The following DSCAM variants were observed in gnomAD, a reference collection of about 807,000 sequenced individuals.
DSCAM encodes DS cell adhesion molecule, also known as cell adhesion molecule DSCAM.
Under a neutral mutation model 217.7 loss-of-function variants are expected in DSCAM, and 47 were observed. The observed-to-expected ratio is 0.22, with a 90% CI of 0.17 to 0.28. The LOEUF (loss-of-function observed/expected upper bound fraction) is 0.28, where lower values mean the gene tolerates loss of function less well. Ranked by LOEUF, DSCAM falls within the 10% of genes least tolerant of loss-of-function variation. The pLI, the probability that DSCAM is intolerant of heterozygous loss-of-function variation, is 1.00. For missense variants in DSCAM, 2,080 were observed against 2,618.3 expected (o/e 0.79, Z 4.49); for synonymous variants, 1,056 against 1,015.3 (o/e 1.04, Z -0.76).
intron 1 of DSCAM, among the ~76,000 whole-genome samples, chr21:40,753,579 T>C (rs2091248654): frequency 6.6e-6 from 1 of 152,206 alleles, no homozygotes. Flanking sequence ...ATTTCCAAAC[T>C]AATTGGATTG....
In DSCAM at chr21:40,353,667, C is replaced by T; in HGVS notation, c.732G>A (p.Leu244=). 1 of 1,609,842 alleles carries T rather than the reference C, an allele frequency of 6.2e-7. No homozygotes were observed. Among genetic ancestry groups the T allele is most frequent in the South Asian group, 1.1e-5 (1 of 90,376 alleles). The change falls in exon 5 of 33, where the codon CTG becomes CTA. Residue 244 remains leucine (L), a synonymous_variant. Coordinates refer to ENST00000400454, the MANE Select transcript of DSCAM (RefSeq NM_001389.5). ...RKAMAGQRVE[L]PCKALGHPEP... ...CAGGGTGCCCGAGCGCTTTGCAAGG[C>T]AGCTCCACACGCTGCCCAGCCATGG... is the stretch of plus-strand genomic sequence containing the variant.
At chr21:40,663,265 TG>T in intron 3 of DSCAM, among the ~76,000 whole-genome samples, 1 of 72,234 alleles carries the variant, frequency 1.4e-5, no homozygotes, top group East Asian at 6.0e-4. Flanking sequence ...AAAGTGTGTG[TG>T]TGGGGGGGGT....
At chr21:40,110,749 T>A (rs1392444405) in intron 20 of DSCAM, among the ~76,000 whole-genome samples, 1 of 152,190 alleles carries the variant, frequency 6.6e-6, no homozygotes, top group East Asian at 1.9e-4. Flanking sequence ...AACCACAGCA[T>A]GAGAACTACG....
In DSCAM at chr21:40,142,678, G is replaced by A; in HGVS notation, c.3286C>T (p.Gln1096Ter). Residue 1096 changes from glutamine to a stop codon, truncating the protein, a stop_gained, in exon 18 of 33, where the codon CAA (glutamine) becomes TAA (stop). Coordinates refer to ENST00000400454, the MANE Select transcript of DSCAM (RefSeq NM_001389.5). LOFTEE classifies it high-confidence loss of function. ...DVPSYPPENVQAIATSPESIS... is the reference protein window; with the variant it reads ...DVPSYPPENV ...CTTTCTGGTGATGTTGCTATGGCTT[G>A]GACATTTTCGGGGGGGTAACTGGGC... The A allele has an allele frequency of 1.2e-6, 2 of 1,613,472 alleles. No homozygotes were observed. The highest frequency in any genetic ancestry group is 1.7e-6 in the Non-Finnish European group (2 of 1,179,906).
chr21:40,697,807 T>G (rs954883075), intron 2 of DSCAM, among the ~76,000 whole-genome samples: 5 of 152,226 alleles, frequency 3.3e-5, no homozygotes, highest in Non-Finnish European at 5.9e-5. Context: ...TCAGGATTGC[T>G]TTAGCATTTC....
chr21:40,640,525 G>A (rs2089864995), intron 3 of DSCAM, among the ~76,000 whole-genome samples: 1 of 152,156 alleles, frequency 6.6e-6, no homozygotes, highest in Non-Finnish European at 1.5e-5. Context: ...AAATGTTCCA[G>A]AGAAAGCAAA....
intron 3 of DSCAM, among the ~76,000 whole-genome samples, chr21:40,411,671 TAAAC>T (rs1449615091): frequency 6.6e-6 from 1 of 152,130 alleles, no homozygotes; most frequent in East Asian, 1.9e-4. Context: ...ATCAAAGTGA[TAAAC>T]AGAAAGACTG....
intron 1 of DSCAM, among the ~76,000 whole-genome samples, chr21:40,782,012 A>AAG (rs1555888320): frequency 1.2e-4 from 17 of 146,508 alleles, no homozygotes; most frequent in East Asian, 4.0e-4. Flanking sequence ...AAAAAAAAAG[A>AAG]AAAAAAAAAT....
intron 3 of DSCAM, among the ~76,000 whole-genome samples, chr21:40,564,060 G>A (rs913559831): frequency 2.1e-4 from 32 of 152,290 alleles, no homozygotes; most frequent in African/African-American, 5.8e-4. Flanking sequence ...TGAGAGATGC[G>A]TACTCTGTGC....
At chr21:40,526,575 G>T (rs1019356295) in intron 3 of DSCAM, among the ~76,000 whole-genome samples, 1 of 151,988 alleles carries the variant, frequency 6.6e-6, no homozygotes, top group Non-Finnish European at 1.5e-5. Context: ...AGGTGAGGCC[G>T]GGGGGTGGGA....
chr21:40,427,972 C>T (rs1215798161), intron 3 of DSCAM, among the ~76,000 whole-genome samples: 1 of 152,156 alleles, frequency 6.6e-6, no homozygotes, highest in Non-Finnish European at 1.5e-5. Flanking sequence ...TTCTTCCAGA[C>T]CTTGACCCAT....
chr21:40,300,773 A>C (rs1298984962), intron 9 of DSCAM, among the ~76,000 whole-genome samples: 1 of 152,160 alleles, frequency 6.6e-6, no homozygotes, highest in Non-Finnish European at 1.5e-5. Flanking sequence ...AGCTGATTAA[A>C]CCACACATTG....
At chr21:40,033,733 G>A (rs2088579340) in intron 32 of DSCAM, among the ~76,000 whole-genome samples, 1 of 151,684 alleles carries the variant, frequency 6.6e-6, no homozygotes, top group South Asian at 2.1e-4. Flanking sequence ...GCAGGGCACA[G>A]ACAAACAAAA....
chr21:40,581,413 C>T (rs80241624), intron 3 of DSCAM, among the ~76,000 whole-genome samples: 6,303 of 152,168 alleles, frequency 0.041, 180 homozygotes, highest in Middle Eastern at 0.13. Flanking sequence ...GTTTTACAGG[C>T]GAAGAAATAG....
At chr21:40,261,652 T>TACAC (rs71186922) in intron 11 of DSCAM, among the ~76,000 whole-genome samples, 3,153 of 133,460 alleles carry the variant, frequency 0.024, 42 homozygotes, top group Middle Eastern at 0.055. Flanking sequence ...TCTCTCTCTC[T>TACAC]ACACACACAC....
intron 11 of DSCAM, among the ~76,000 whole-genome samples, chr21:40,221,494 T>C (rs2091289084): frequency 6.7e-6 from 1 of 149,092 alleles, no homozygotes; most frequent in South Asian, 2.1e-4. Context: ...ACATATTATA[T>C]ATAATATACA....
rs191411176 is a variant in DSCAM at position 40,761,324 on chromosome 21, T to A, written c.44-52553A>T. Among the ~76,000 whole-genome samples the A allele has an allele frequency of 5.3e-4, 80 of 152,288 alleles. 1 individual carries two copies. The highest frequency in any genetic ancestry group is 7.8e-4 in the Non-Finnish European group (53 of 68,024). On this transcript the variant is annotated intron_variant, in intron 1 of 32. Coordinates refer to ENST00000400454, the MANE Select transcript of DSCAM (RefSeq NM_001389.5). ...TCTAGCTTCTAGAATCTACATGTAT[T>A]TCCTGGCTCATGGCCCCCCCTCTAT...
intron 16 of DSCAM, among the ~76,000 whole-genome samples, chr21:40,152,837 AC>A (rs1392417789): frequency 6.7e-6 from 1 of 149,302 alleles, no homozygotes; most frequent in Non-Finnish European, 1.5e-5. Flanking sequence ...TGTGCTGAAG[AC>A]CACCAGCCAT....
chr21:40,417,871 C>A (rs2123810919), intron 3 of DSCAM, among the ~76,000 whole-genome samples: 1 of 152,246 alleles, frequency 6.6e-6, no homozygotes, highest in East Asian at 1.9e-4. Context: ...TCATTTATTT[C>A]TAAGAAAAAT....
Sources: allele counts gnomAD v4.1 joint callset (sites outside exome capture counted in the v4.1 genomes callset), GRCh38; gene constraint gnomAD v4.1.1; transcripts MANE v1.5; gene names NCBI Gene and HGNC (gene_info 2026-07-23, HGNC 2026-07-21).